The following DYNC2H1 variants were observed in gnomAD, a reference collection of about 807,000 sequenced individuals.
DYNC2H1 encodes the protein dynein cytoplasmic 2 heavy chain 1.
Under a neutral mutation model 570.0 loss-of-function variants are expected in DYNC2H1, and 410 were observed. That is an observed-to-expected ratio of 0.72 (90% CI 0.66 to 0.78). DYNC2H1 has a LOEUF of 0.78. Ranked by LOEUF, DYNC2H1 falls within the 30% of genes least tolerant of loss-of-function variation. The probability of loss-of-function intolerance (pLI) is 0.00; values close to 1 mark genes in which losing one functional copy is unlikely to be tolerated. For missense variants in DYNC2H1, 4,865 were observed against 5,046.4 expected, an observed-to-expected ratio of 0.96 and a Z score of 1.09; for synonymous variants, 1,688 against 1,677.6, an observed-to-expected ratio of 1.01 and a Z score of -0.15.
intron 70 of DYNC2H1, among the ~76,000 whole-genome samples, chr11:103,260,744 C>T (rs1042243937): frequency 6.6e-6 from 1 of 151,642 alleles, no homozygotes; most frequent in African/African-American, 2.4e-5. Flanking sequence ...TTCAGCCTCC[C>T]AAGTAACTGG....
Position 103,111,690 on chromosome 11 carries a change from C to CT in DYNC2H1, c.196-1836dup, listed in dbSNP as rs955253138. On this transcript the variant is annotated intron_variant, in intron 1 of 88. Transcript: ENST00000375735. Reference sequence around the variant, plus strand: ...GGGTATTTGAAAGTTGAAGGTAGAACTTTTTTTTTTTAAGTTAAAGCTATT... The same window carrying CT: ...GGGTATTTGAAAGTTGAAGGTAGAACTTTTTTTTTTTTAAGTTAAAGCTATT... 3.1e-4 allele frequency among the ~76,000 whole-genome samples: 45 copies of CT among 147,422 alleles called. 1 individual carries two copies. Among genetic ancestry groups the CT allele is most frequent in the African/African-American group, 7.9e-4 (32 of 40,356 alleles).
intron 88 of DYNC2H1, among the ~76,000 whole-genome samples, chr11:103,471,124 G>A (rs142511099): frequency 0.023 from 3,487 of 152,218 alleles, 82 homozygotes; most frequent in African/African-American, 0.055. Context: ...GGTGTGAGAT[G>A]GTATCTCATT....
intron 84 of DYNC2H1, among the ~76,000 whole-genome samples, chr11:103,414,898 G>GA (rs1245440479): frequency 6.6e-6 from 1 of 151,940 alleles, no homozygotes; most frequent in Non-Finnish European, 1.5e-5. Context: ...CAAACAAATA[G>GA]AAAAAAAATT....
Position 103,181,108 on chromosome 11 carries a change from T to C in DYNC2H1, c.6348-649T>C, listed in dbSNP as rs1304191508. Among the ~76,000 whole-genome samples, 1 of 151,650 alleles carries C rather than the reference T, an allele frequency of 6.6e-6. No individual in the cohort carries two copies. Among genetic ancestry groups the C allele is most frequent in the Non-Finnish European group, 1.5e-5 (1 of 67,666 alleles). On this transcript the variant is annotated intron_variant, in intron 39 of 88. Transcript: ENST00000375735. The surrounding 1 kb of genome is among the most constrained non-coding windows in gnomAD (Gnocchi z 5.0). ...TTTCACCAATTGGATTTTGGTGAAA[T>C]AATTGAATTTTACCCAGATAATTAT...
At chr11:103,293,335 G>T (rs1023907030) in intron 75 of DYNC2H1, among the ~76,000 whole-genome samples, 1 of 152,046 alleles carries the variant, frequency 6.6e-6, no homozygotes, top group Non-Finnish European at 1.5e-5. Flanking sequence ...TTGTCTTGCT[G>T]CTTTTAGAAT....
intron 75 of DYNC2H1, among the ~76,000 whole-genome samples, chr11:103,301,667 GA>G (rs1487969796): frequency 6.6e-6 from 1 of 151,842 alleles, no homozygotes; most frequent in Non-Finnish European, 1.5e-5. Context: ...TCTGCCTTTG[GA>G]AATTCTTAGC....
chr11:103,330,189 T>C (rs1385366972), intron 82 of DYNC2H1, among the ~76,000 whole-genome samples: 1 of 152,188 alleles, frequency 6.6e-6, no homozygotes, highest in African/African-American at 2.4e-5. Flanking sequence ...AGTGGTAAAA[T>C]AGAAACATGT....
intron 84 of DYNC2H1, among the ~76,000 whole-genome samples, chr11:103,431,423 G>C (rs1222353446): frequency 6.6e-6 from 1 of 151,976 alleles, no homozygotes; most frequent in Non-Finnish European, 1.5e-5. Flanking sequence ...TTACCTGGGG[G>C]TTTACATCCT....
chr11:103,173,360 T>C (rs1861653996), intron 35 of DYNC2H1, 55 bp downstream of exon 35: 2 of 1,232,728 alleles, frequency 1.6e-6, no homozygotes, highest in Admixed American at 3.5e-5. Flanking sequence ...TGATTGATTT[T>C]GGTTATTAGT....
intron 48 of DYNC2H1, 116 bp downstream of exon 48, chr11:103,198,179 GTTC>G: frequency 8.2e-7 from 1 of 1,213,104 alleles, no homozygotes. Context: ...GGCAAAGCTG[GTTC>G]TTATCTTTTG....
At chr11:103,456,417 C>A in intron 87 of DYNC2H1, 61 bp downstream of exon 87, 1 of 1,397,332 alleles carries the variant, frequency 7.2e-7, no homozygotes, top group South Asian at 1.3e-5. Context: ...ATAAGAGATT[C>A]TGAAATTTTG....
intron 29 of DYNC2H1, among the ~76,000 whole-genome samples, chr11:103,162,765 A>C (rs899625536): frequency 6.6e-6 from 1 of 152,162 alleles, no homozygotes; most frequent in Non-Finnish European, 1.5e-5. Flanking sequence ...GTTAGCCACA[A>C]ATTTATGTTT....
chr11:103,347,681 TGTC>T (rs1324578166), intron 82 of DYNC2H1, among the ~76,000 whole-genome samples: 1 of 152,184 alleles, frequency 6.6e-6, no homozygotes, highest in Non-Finnish European at 1.5e-5. Flanking sequence ...GTTTTTAAAA[TGTC>T]GTGGATATTT....
chr11:103,376,613 T>C (rs1355499926), intron 83 of DYNC2H1, among the ~76,000 whole-genome samples: 1 of 152,252 alleles, frequency 6.6e-6, no homozygotes, highest in Non-Finnish European at 1.5e-5. Context: ...ATTTGTGTTA[T>C]CTTGATTTAC....
intron 40 of DYNC2H1, among the ~76,000 whole-genome samples, chr11:103,183,880 T>C (rs1426222970): frequency 6.6e-6 from 1 of 151,938 alleles, no homozygotes; most frequent in Non-Finnish European, 1.5e-5. Flanking sequence ...TGGGTAATTT[T>C]ACTCTATTAT....
chr11:103,464,275 T>C (rs1945120808), intron 87 of DYNC2H1, among the ~76,000 whole-genome samples: 1 of 152,088 alleles, frequency 6.6e-6, no homozygotes, highest in African/African-American at 2.4e-5. Context: ...AAATGAAAAA[T>C]GTAGTCTTTA....
At chr11:103,162,568 C>T (rs1251650369) in intron 29 of DYNC2H1, among the ~76,000 whole-genome samples, 2 of 152,124 alleles carry the variant, frequency 1.3e-5, no homozygotes, top group African/African-American at 2.4e-5. Context: ...GAAGCAATCC[C>T]TTCCTATGGT....
chr11:103,167,064 C>T (rs1295247986), intron 31 of DYNC2H1, among the ~76,000 whole-genome samples: 1 of 118,876 alleles, frequency 8.4e-6, no homozygotes, highest in African/African-American at 3.2e-5. Flanking sequence ...TCTTCAAGTT[C>T]ACTGCCTCTT....
intron 82 of DYNC2H1, among the ~76,000 whole-genome samples, chr11:103,331,354 C>A (rs1938780888): frequency 6.6e-6 from 1 of 152,024 alleles, no homozygotes; most frequent in South Asian, 2.1e-4. Flanking sequence ...GTACCAGAAA[C>A]CTTGGGGAGA....
Sources: gnomAD v4.1 joint callset for allele counts (sites outside exome capture counted in the v4.1 genomes callset) on GRCh38, gnomAD v4.1.1 for gene constraint, Gnocchi (gnomAD v3.1) non-coding constraint, MANE v1.5 for transcripts, NCBI Gene and HGNC (gene_info 2026-07-23, HGNC 2026-07-21) for gene names.